Variants in SBF2 observed in about 807,000 individuals in gnomAD.
The protein encoded by SBF2 is SET binding factor 2, also known as myotubularin-related protein 13.
In SBF2, 112 loss-of-function variants were observed where a neutral mutation model predicts 225.2. That is an observed-to-expected ratio of 0.50 (90% CI 0.43 to 0.58). SBF2 has a LOEUF of 0.58. Among genes scored for constraint, SBF2 ranks in the 20% least tolerant of loss-of-function variants. SBF2 has a pLI of 0.00. For synonymous variants in SBF2, 763 were observed against 773.3 expected (o/e 0.99, Z 0.22); for missense variants, 1,996 against 2,206.2 (o/e 0.90, Z 1.91).
At chr11:10,241,564 A>T (rs1159710372) in intron 1 of SBF2, among the ~76,000 whole-genome samples, 2 of 151,880 alleles carry the variant, frequency 1.3e-5, no homozygotes, top group East Asian at 3.9e-4. Flanking sequence ...AAACAAAAAA[A>T]GGCGGCAATA....
intron 16 of SBF2, among the ~76,000 whole-genome samples, chr11:9,912,518 G>C (rs367563805): frequency 6.6e-6 from 1 of 152,124 alleles, no homozygotes; most frequent in Non-Finnish European, 1.5e-5. Flanking sequence ...GGATGCGGAG[G>C]TTGCAGTGAG....
At chr11:10,299,923 G>A (rs1174467953) in intron 1 of SBF2, among the ~76,000 whole-genome samples, 1 of 152,132 alleles carries the variant, frequency 6.6e-6, no homozygotes, top group African/African-American at 2.4e-5. Context: ...TAAATAAAGT[G>A]CAAAATCTTC....
At chr11:10,263,692 C>T (rs1244021694) in intron 1 of SBF2, among the ~76,000 whole-genome samples, 1 of 152,106 alleles carries the variant, frequency 6.6e-6, no homozygotes, top group Admixed American at 6.6e-5. Context: ...TTAGAGAATA[C>T]TCAACTCCAT....
rs377757662 is a variant in SBF2 at position 10,133,368 on chromosome 11, G to A, written c.141+60534C>T. On this transcript the variant is annotated intron_variant, in intron 2 of 39. Coordinates refer to ENST00000256190, the MANE Select transcript of SBF2 (RefSeq NM_030962.4). ...CGTGGAGCAGGGGGTGGTGCTTGTC[G>A]GGGAGGCTCGGGCCGCACAGGAGCC... is the stretch of plus-strand genomic sequence containing the variant. Among the ~76,000 whole-genome samples, 38 of 149,636 alleles carry A rather than the reference G, an allele frequency of 2.5e-4. 2 individuals are homozygous for A. The South Asian group carries it at 6.7e-3, about 27-fold the overall frequency.
chr11:9,841,331 G>A (rs535957879), intron 25 of SBF2, among the ~76,000 whole-genome samples: 1 of 152,216 alleles, frequency 6.6e-6, no homozygotes, highest in South Asian at 2.1e-4. Context: ...AAAAAAAATT[G>A]AGTTAGAAGA....
At chr11:10,054,859 A>C (rs184132256) in intron 2 of SBF2, among the ~76,000 whole-genome samples, 266 of 151,870 alleles carry the variant, frequency 1.8e-3, no homozygotes, top group African/African-American at 5.9e-3. Context: ...ACGAGATACC[A>C]CCATGAGAAT....
At chr11:9,806,750 A>C (rs1853874656) in intron 32 of SBF2, among the ~76,000 whole-genome samples, 1 of 152,166 alleles carries the variant, frequency 6.6e-6, no homozygotes, top group African/African-American at 2.4e-5. Context: ...GTGTGGGGTG[A>C]AAGGTTGGAA....
intron 1 of SBF2, among the ~76,000 whole-genome samples, chr11:10,195,265 T>C (rs1448892582): frequency 6.6e-6 from 1 of 152,204 alleles, no homozygotes; most frequent in East Asian, 1.9e-4. Context: ...TGTCCCCAGA[T>C]GTTGACAAAC....
At chr11:9,975,270 G>A (rs1946633515) in intron 13 of SBF2, among the ~76,000 whole-genome samples, 1 of 152,076 alleles carries the variant, frequency 6.6e-6, no homozygotes. Flanking sequence ...TGGTCAACAG[G>A]TAAATAAAAC....
intron 1 of SBF2, among the ~76,000 whole-genome samples, chr11:10,283,046 C>T (rs142089803): frequency 6.6e-6 from 1 of 152,074 alleles, no homozygotes; most frequent in Admixed American, 6.5e-5. Flanking sequence ...TTATGCATAC[C>T]ATACAAATTG....
intron 26 of SBF2, among the ~76,000 whole-genome samples, chr11:9,837,574 T>C (rs1292115647): frequency 3.3e-5 from 5 of 152,256 alleles, no homozygotes; most frequent in African/African-American, 4.8e-5. Flanking sequence ...AATAAACCTT[T>C]TGTCATTATC....
At chr11:9,994,624 A>G (rs1947608334) in intron 9 of SBF2, among the ~76,000 whole-genome samples, 1 of 150,442 alleles carries the variant, frequency 6.6e-6, no homozygotes, top group Non-Finnish European at 1.5e-5. Flanking sequence ...AAAATACACT[A>G]AACTATAAAA....
intron 2 of SBF2, among the ~76,000 whole-genome samples, chr11:10,145,829 G>A (rs1296432840): frequency 1.3e-5 from 2 of 152,162 alleles, no homozygotes; most frequent in African/African-American, 2.4e-5. Context: ...GAAATGTCAC[G>A]GTCTTGGCCC....
intron 16 of SBF2, among the ~76,000 whole-genome samples, chr11:9,952,785 T>C (rs769097580): frequency 7.2e-5 from 11 of 152,202 alleles, no homozygotes; most frequent in Non-Finnish European, 1.6e-4. Flanking sequence ...TATGGAAATA[T>C]TCCTCAGTTT....
At chr11:10,016,028 C>G (rs937788455) in intron 6 of SBF2, among the ~76,000 whole-genome samples, 1 of 152,102 alleles carries the variant, frequency 6.6e-6, no homozygotes, top group Non-Finnish European at 1.5e-5. Context: ...CGACCCGCCT[C>G]GGCCTCCCAA....
At chr11:10,171,647 C>T (rs1209944409) in intron 2 of SBF2, among the ~76,000 whole-genome samples, 2 of 152,116 alleles carry the variant, frequency 1.3e-5, no homozygotes, top group African/African-American at 4.8e-5. Flanking sequence ...TAATACTAGT[C>T]TCATAGAATA....
chr11:10,147,232 G>A (rs1954932503), intron 2 of SBF2, among the ~76,000 whole-genome samples: 1 of 152,028 alleles, frequency 6.6e-6, no homozygotes, highest in Non-Finnish European at 1.5e-5. Flanking sequence ...ATACCCAAAG[G>A]AGTATAACTC....
chr11:10,225,961 C>G lies in SBF2; in HGVS notation c.56-31974G>C, dbSNP rs574886871. 1.2e-4 allele frequency among the ~76,000 whole-genome samples: 18 copies of G among 152,130 alleles called. No homozygotes were observed. In the East Asian group the frequency reaches 3.3e-3, roughly 28 times the overall value. On this transcript the variant is annotated intron_variant, in intron 1 of 39. Transcript: ENST00000256190. ...TAAAAAATATTCATGCCTTTTAAACCAGGATTTTCATTACCAAATTTTATC... is the reference window on the plus strand; with the variant it reads ...TAAAAAATATTCATGCCTTTTAAACGAGGATTTTCATTACCAAATTTTATC...
chr11:10,211,745 T>C (rs779820364), intron 1 of SBF2, among the ~76,000 whole-genome samples: 22 of 152,224 alleles, frequency 1.4e-4, no homozygotes, highest in Admixed American at 2.6e-4. Flanking sequence ...GGCAATATGA[T>C]GACGGTGTAC....
Sources: gnomAD v4.1 joint callset for allele counts (sites outside exome capture counted in the v4.1 genomes callset) on GRCh38, gnomAD v4.1.1 for gene constraint, MANE v1.5 for transcripts, NCBI Gene and HGNC (gene_info 2026-07-23, HGNC 2026-07-21) for gene names.